The following NPIPB2 variants were observed in gnomAD, a reference collection of about 807,000 sequenced individuals.
The protein encoded by NPIPB2 is nuclear pore complex-interacting protein family member B2.
A neutral mutation model predicts 30.8 loss-of-function variants in NPIPB2; 27 were observed. The observed-to-expected ratio is 0.88, with a 90% confidence interval of 0.65 to 1.21. The LOEUF is 1.21. NPIPB2 is among the 50% of genes most tolerant of loss of function. NPIPB2 has a pLI of 0.00. For synonymous variants in NPIPB2, 147 were observed against 162.0 expected (o/e 0.91, Z 0.70); for missense variants, 440 against 446.2 (o/e 0.99, Z 0.13).
chr16:11,955,011 A>G (rs2055098082), intron 1 of NPIPB2, among the ~76,000 whole-genome samples: 1 of 152,162 alleles, frequency 6.6e-6, no homozygotes, highest in African/African-American at 2.4e-5. Flanking sequence ...CTGACCTGGT[A>G]TAATCTATAC....
At chr16:11,958,950 A>G (rs1273898938) in intron 1 of NPIPB2, among the ~76,000 whole-genome samples, 1 of 152,186 alleles carries the variant, frequency 6.6e-6, no homozygotes, top group African/African-American at 2.4e-5. Context: ...TGGATCTAGA[A>G]GTCAGGAATG....
chr16:11,951,597 T>TGATACAGA (rs2055063904), intron 1 of NPIPB2, among the ~76,000 whole-genome samples: 1 of 135,342 alleles, frequency 7.4e-6, no homozygotes, highest in Non-Finnish European at 1.6e-5. Context: ...GCACTGGCAC[T>TGATACAGA]GATACAGATG....
In NPIPB2 at chr16:11,950,739, G is replaced by A. The variant is rs2055054194; in HGVS notation, c.-583-8625C>T. Among the ~76,000 whole-genome samples the A allele has an allele frequency of 7.9e-5, 12 of 151,996 alleles. No homozygotes were observed. The South Asian group carries it at 2.3e-3, about 29-fold the overall frequency. On this transcript the variant is annotated intron_variant, in intron 1 of 5. Transcript: ENST00000538896. ...CTCCCTTCCTTCCTTCTCCCTTCCA[G>A]CCCATAAATATTTACCAAGTAGATA...
At chr16:11,948,448 A>G (rs1313875587) in intron 1 of NPIPB2, among the ~76,000 whole-genome samples, 1 of 152,146 alleles carries the variant, frequency 6.6e-6, no homozygotes, top group Non-Finnish European at 1.5e-5. Flanking sequence ...ACCAATTCAT[A>G]GGAAATACAG....
At chr16:11,942,301 T>C (rs1292889151), upstream of NPIPB2, among the ~76,000 whole-genome samples, 3 of 147,976 alleles carry the variant, frequency 2.0e-5, no homozygotes, top group African/African-American at 2.5e-5. Context: ...AAAATTATTA[T>C]TTGCTTGGAA....
intron 1 of NPIPB2, among the ~76,000 whole-genome samples, chr16:11,960,960 A>C (rs1354494210): frequency 1.3e-5 from 2 of 149,978 alleles, no homozygotes; most frequent in Non-Finnish European, 3.0e-5. Flanking sequence ...TCTGCCTCCC[A>C]GGTTCAAACG....
intron 1 of NPIPB2, among the ~76,000 whole-genome samples, chr16:11,948,593 C>T (rs1470376440): frequency 2.0e-5 from 3 of 151,236 alleles, no homozygotes; most frequent in African/African-American, 4.9e-5. Flanking sequence ...GGTGAAACCC[C>T]GTCTCTACTA....
chr16:11,943,319 A>T (rs1452123172), upstream of NPIPB2, among the ~76,000 whole-genome samples: 1 of 152,200 alleles, frequency 6.6e-6, no homozygotes, highest in Non-Finnish European at 1.5e-5. Context: ...ACTCTGTCTC[A>T]AAAACAGCAA....
intron 1 of NPIPB2, among the ~76,000 whole-genome samples, chr16:11,972,313 C>G (rs560820411): frequency 6.6e-6 from 1 of 151,810 alleles, no homozygotes; most frequent in East Asian, 2.0e-4. Context: ...CCGCGGCTCA[C>G]GCCCGTAATT....
chr16:11,965,265 G>A, intron 1 of NPIPB2: 2 of 1,605,594 alleles, frequency 1.2e-6, no homozygotes, highest in Non-Finnish European at 1.7e-6. Context: ...TTCTTGTAGA[G>A]ATATTACTTG....
intron 1 of NPIPB2, among the ~76,000 whole-genome samples, chr16:11,939,247 A>G (rs1293711547): frequency 6.6e-6 from 1 of 151,708 alleles, no homozygotes. Flanking sequence ...ACAAATAAGT[A>G]TCAAATTTTA....
chr16:11,969,685 A>G (rs2055223243), intron 1 of NPIPB2, among the ~76,000 whole-genome samples: 1 of 152,232 alleles, frequency 6.6e-6, no homozygotes, highest in Non-Finnish European at 1.5e-5. Flanking sequence ...AGCTTAATGA[A>G]AGCATCAGGC....
At chr16:11,966,294 T>C (rs1421347357) in intron 1 of NPIPB2, 1 of 1,613,962 alleles carries the variant, frequency 6.2e-7, no homozygotes, top group African/African-American at 1.3e-5. Context: ...ATGTTTTTGC[T>C]AAGGAAGATA....
chr16:11,958,086 T>C (rs557672526), intron 1 of NPIPB2, among the ~76,000 whole-genome samples: 3 of 152,164 alleles, frequency 2.0e-5, no homozygotes, highest in Non-Finnish European at 2.9e-5. Context: ...ATTGTCTTTA[T>C]TGAGTCACTC....
intron 1 of NPIPB2, among the ~76,000 whole-genome samples, chr16:11,969,567 T>C (rs902926686): frequency 7.9e-5 from 12 of 152,352 alleles, no homozygotes; most frequent in Admixed American, 2.6e-4. Context: ...TTCTCTTTAT[T>C]GTTAAAGGAA....
intron 2 of NPIPB2, among the ~76,000 whole-genome samples, chr16:11,936,421 T>C (rs1325924579): frequency 9.4e-5 from 14 of 149,028 alleles, no homozygotes; most frequent in Admixed American, 4.0e-4. Context: ...TCATAACTCA[T>C]ATATTTTCTG....
chr16:11,941,113 C>G, intron 1 of NPIPB2: 1 of 1,425,630 alleles, frequency 7.0e-7, no homozygotes. Context: ...AATTTCATGC[C>G]GCGTGACACA....
upstream of NPIPB2, among the ~76,000 whole-genome samples, chr16:11,943,400 G>A (rs1428591117): frequency 6.6e-6 from 1 of 151,330 alleles, no homozygotes; most frequent in African/African-American, 2.4e-5. Flanking sequence ...GTATGCTGCA[G>A]CCATGTTCCA....
chr16:11,934,655 T>G (rs1379733250), intron 2 of NPIPB2, among the ~76,000 whole-genome samples: 11 of 151,010 alleles, frequency 7.3e-5, no homozygotes, highest in Admixed American at 1.3e-4. Flanking sequence ...GGTCAAGAGA[T>G]GGACACCATC....
Sources: gnomAD v4.1 joint callset for allele counts (sites outside exome capture counted in the v4.1 genomes callset) on GRCh38, gnomAD v4.1.1 for gene constraint, MANE v1.5 for transcripts, NCBI Gene and HGNC (gene_info 2026-07-23, HGNC 2026-07-21) for gene names.